Variants in RTTN observed in about 807,000 individuals in gnomAD.
RTTN encodes rotatin.
In RTTN, 182 loss-of-function variants were observed where a neutral mutation model predicts 269.2. The ratio of observed to expected loss-of-function variants is 0.68; its 90% CI spans 0.60 to 0.76. RTTN has a LOEUF of 0.76. Among genes scored for constraint, RTTN ranks in the 30% least tolerant of loss-of-function variants. RTTN has a pLI of 0.00. For missense variants in RTTN, 2,545 were observed against 2,608.6 expected (o/e 0.98, Z 0.53); for synonymous variants, 1,006 against 963.5 (o/e 1.04, Z -0.82).
At chr18:70,071,676 A>C (rs562779951) in intron 34 of RTTN, among the ~76,000 whole-genome samples, 2 of 152,330 alleles carry the variant, frequency 1.3e-5, no homozygotes, top group East Asian at 3.9e-4. Context: ...GCAGTTTATC[A>C]AACATACAGG....
intron 46 of RTTN, among the ~76,000 whole-genome samples, chr18:70,010,375 A>G (rs2056333648): frequency 6.6e-6 from 1 of 152,254 alleles, no homozygotes; most frequent in Non-Finnish European, 1.5e-5. Context: ...ACCTGAAATC[A>G]TAACAAACAG....
At chr18:70,186,345 C>T (rs1301824490) in intron 10 of RTTN, among the ~76,000 whole-genome samples, 1 of 152,192 alleles carries the variant, frequency 6.6e-6, no homozygotes, top group East Asian at 1.9e-4. Context: ...TGCCATTTCA[C>T]TAAATGCTGA....
intron 45 of RTTN, among the ~76,000 whole-genome samples, chr18:70,020,179 G>A (rs535641125): frequency 6.6e-6 from 1 of 152,286 alleles, no homozygotes; most frequent in African/African-American, 2.4e-5. Context: ...TGCTTAACAT[G>A]CCATAAGGAA....
intron 42 of RTTN, among the ~76,000 whole-genome samples, chr18:70,029,810 A>G (rs377404967): frequency 6.6e-6 from 1 of 152,312 alleles, no homozygotes; most frequent in East Asian, 1.9e-4. Context: ...TACATAATAG[A>G]CAGATGTTGT....
intron 30 of RTTN, among the ~76,000 whole-genome samples, chr18:70,090,984 T>C (rs1270206290): frequency 6.6e-6 from 1 of 152,230 alleles, no homozygotes; most frequent in Non-Finnish European, 1.5e-5. Flanking sequence ...TTTTTTCCTA[T>C]TTCTCTCTTT....
chr18:70,097,680 T>C (rs979006578), intron 28 of RTTN, among the ~76,000 whole-genome samples: 62 of 152,374 alleles, frequency 4.1e-4, no homozygotes, highest in African/African-American at 1.4e-3. Context: ...GTGCTTTTTA[T>C]GTATCCTTTA....
At chr18:70,030,760 T>G in intron 41 of RTTN, 116 bp downstream of exon 41, 2 of 658,442 alleles carry the variant, frequency 3.0e-6, no homozygotes, top group South Asian at 2.6e-5. Context: ...TTAGTGACAC[T>G]GAGATTATAC....
At chr18:70,022,937 G>A (rs1459417735) in intron 44 of RTTN, among the ~76,000 whole-genome samples, 1 of 152,052 alleles carries the variant, frequency 6.6e-6, no homozygotes, top group African/African-American at 2.4e-5. Context: ...AAACAGCCAC[G>A]TGGCTTTAAG....
chr18:70,069,639 G>C (rs148260680), intron 34 of RTTN, among the ~76,000 whole-genome samples: 318 of 152,294 alleles, frequency 2.1e-3, no homozygotes, highest in African/African-American at 7.6e-3. Context: ...CCTTACAGAA[G>C]CAAGTGATTT....
chr18:70,146,753 T>C (rs2060404078), intron 17 of RTTN, among the ~76,000 whole-genome samples: 1 of 152,208 alleles, frequency 6.6e-6, no homozygotes, highest in Non-Finnish European at 1.5e-5. Context: ...GGCCCATGTC[T>C]GTGTTGTGTG....
chr18:70,197,752 C>T lies in RTTN; in HGVS notation c.579-14G>A, dbSNP rs759983859. ...CTTCTTAAAGAGCTACAAAACATAG[C>T]GTTAATCATTTTTAAGAAGAGTTCA... On this transcript the variant is annotated splice_polypyrimidine_tract_variant and intron_variant, in intron 5 of 48. Transcript: ENST00000640769. 3.3e-5 allele frequency: 48 copies of T among 1,471,500 alleles called. No individual in the cohort carries two copies. In the South Asian group the frequency reaches 4.3e-4, roughly 13 times the overall value. 91.2% of individuals were successfully genotyped at this position (1,471,500 alleles called of 1,614,324 possible).
rs2060515380 is a variant in RTTN at position 70,150,731 on chromosome 18, T to C, written c.1932A>G (p.Glu644=). 5 of 1,578,644 alleles carry C rather than the reference T, an allele frequency of 3.2e-6. No individual in the cohort carries two copies. The highest frequency in any genetic ancestry group is 1.7e-4 in the Middle Eastern group (1 of 5,852). The change falls in exon 15 of 49, where the codon GAA becomes GAG. Residue 644 remains glutamate (E), a splice_region_variant and synonymous_variant. Transcript: ENST00000640769. ...TYHCCLEITK[E]CLGVHNVTKP... Reference sequence around the variant, plus strand: ...TAGTGACATTATGGACACCTAAACATTCCTGTAAAATAATATTAAAAAGTA... The same window carrying C: ...TAGTGACATTATGGACACCTAAACACTCCTGTAAAATAATATTAAAAAGTA...
chr18:70,193,342 C>T lies in RTTN; in HGVS notation c.953G>A (p.Arg318His), dbSNP rs775916847. The stretch of plus-strand genomic sequence containing the variant: ...ATCTCCTCTGGGTCGCTGGCCTGTG[C>T]GCCCAACCACAGAAGGCCGAGGGCT... ...SSSPRPSVVG[R>H]TGQRPRGDGQ... The change falls in exon 8 of 49, where the codon CGC becomes CAC. Residue 318 changes from arginine (R) to histidine (H), a missense_variant. Physicochemically the swap from Arg to His is conservative, Grantham distance 29. Transcript: ENST00000640769. 6.8e-6 allele frequency: 11 copies of T among 1,610,228 alleles called. No homozygotes were observed. The highest frequency in any genetic ancestry group is 2.2e-5 in the East Asian group (1 of 44,478).
intron 46 of RTTN, among the ~76,000 whole-genome samples, chr18:70,010,015 T>A (rs1438239833): frequency 6.6e-6 from 1 of 152,058 alleles, no homozygotes; most frequent in South Asian, 2.1e-4. Flanking sequence ...GATAAAGGGA[T>A]CAATGCAACA....
chr18:70,166,934 CTGA>C lies in RTTN; in HGVS notation c.1784_1786del (p.Ile595del), dbSNP rs1373256899. On this transcript the variant is annotated inframe_deletion, in exon 13 of 49. Transcript: ENST00000640769. ...AAAATATTACATCTTTGAACAAATG[CTGA>C]TGATTTCCTTTATTAGCGGGAAATG... The C allele has an allele frequency of 6.2e-7, 1 of 1,610,532 alleles. No homozygotes were observed. The highest frequency in any genetic ancestry group is 1.3e-5 in the African/African-American group (1 of 74,954).
At chr18:70,145,487 G>A in intron 18 of RTTN, 125 bp downstream of exon 18, 1 of 661,272 alleles carries the variant, frequency 1.5e-6, no homozygotes, top group East Asian at 3.0e-5. Flanking sequence ...TTTCAAACCA[G>A]CCCTGAATCC....
At chr18:70,199,968 G>A (rs903270255) in intron 4 of RTTN, among the ~76,000 whole-genome samples, 3 of 152,176 alleles carry the variant, frequency 2.0e-5, no homozygotes, top group African/African-American at 4.8e-5. Context: ...AAACCTCTGC[G>A]AAGATGACTT....
chr18:70,030,966 A>G lies in RTTN; in HGVS notation c.5557T>C (p.Ser1853Pro). 1 of 1,611,996 alleles carries G rather than the reference A, an allele frequency of 6.2e-7. No homozygotes were observed. ...DVILQCYEGK[S>P]SKDILKRVAA... ...ACTCTTTTCAGGATATCTTTGGAGG[A>G]TTTCCCTTCATAGCACTGCAGAGAA... The change falls in exon 41 of 49, where the codon TCC becomes CCC. Residue 1853 changes from serine to proline, a missense_variant. Ser to Pro is a moderately conservative substitution (Grantham distance 74). Coordinates refer to ENST00000640769, the MANE Select transcript of RTTN (RefSeq NM_173630.4).
At chr18:70,027,153 T>C (rs947386102) in intron 43 of RTTN, among the ~76,000 whole-genome samples, 1 of 152,216 alleles carries the variant, frequency 6.6e-6, no homozygotes, top group Non-Finnish European at 1.5e-5. Context: ...CCGTCTAACC[T>C]TGTCCACTGT....
Sources: gnomAD v4.1 joint callset for allele counts (sites outside exome capture counted in the v4.1 genomes callset) on GRCh38, gnomAD v4.1.1 for gene constraint, MANE v1.5 for transcripts, NCBI Gene and HGNC (gene_info 2026-07-23, HGNC 2026-07-21) for gene names.